The following GPC5 variants were observed in gnomAD, a reference collection of about 807,000 sequenced individuals.
GPC5 encodes glypican 5, also known as glypican-5.
A neutral mutation model predicts 53.9 loss-of-function variants in GPC5; 47 were observed. The observed-to-expected ratio is 0.87, with a 90% CI of 0.69 to 1.11. GPC5 has a LOEUF of 1.11. Ranked by LOEUF, GPC5 falls within the 50% of genes most tolerant of loss-of-function variation. GPC5 has a pLI of 0.00. For missense variants in GPC5, 748 were observed against 713.1 expected (o/e 1.05, Z -0.56); for synonymous variants, 286 against 263.3 (o/e 1.09, Z -0.84).
intron 7 of GPC5, among the ~76,000 whole-genome samples, chr13:92,301,331 G>C (rs2043073888): frequency 6.6e-6 from 1 of 152,158 alleles, no homozygotes; most frequent in Non-Finnish European, 1.5e-5. Context: ...AGAAAGAACT[G>C]TGCCAAGACA....
intron 6 of GPC5, among the ~76,000 whole-genome samples, chr13:92,010,976 T>G (rs2040656215): frequency 6.6e-6 from 1 of 152,212 alleles, no homozygotes; most frequent in African/African-American, 2.4e-5. Context: ...ATGTTATAGA[T>G]TTTCTGGAAG....
chr13:92,464,439 C>T (rs1571295), intron 7 of GPC5, among the ~76,000 whole-genome samples: 95,554 of 151,922 alleles, frequency 0.63, 31,170 homozygotes, highest in East Asian at 0.89. Flanking sequence ...TAATAAACTC[C>T]ATATTTTTTT....
intron 5 of GPC5, among the ~76,000 whole-genome samples, chr13:91,781,207 G>A (rs962766736): frequency 1.2e-4 from 19 of 152,156 alleles, no homozygotes; most frequent in East Asian, 1.9e-4. Flanking sequence ...ATCTGCCACC[G>A]CCTCATATAA....
At chr13:92,262,423 G>A (rs1296235912) in intron 7 of GPC5, among the ~76,000 whole-genome samples, 4 of 152,044 alleles carry the variant, frequency 2.6e-5, no homozygotes, top group African/African-American at 7.2e-5. Flanking sequence ...ATTAATGTTG[G>A]GTTAAGACCT....
chr13:92,234,619 C>T (rs1008066869), intron 7 of GPC5, among the ~76,000 whole-genome samples: 17 of 148,492 alleles, frequency 1.1e-4, no homozygotes, highest in East Asian at 2.0e-4. Context: ...AGATATATGG[C>T]GGTGGTGGGG....
At chr13:91,934,598 C>T (rs566642670) in intron 6 of GPC5, among the ~76,000 whole-genome samples, 1 of 152,052 alleles carries the variant, frequency 6.6e-6, no homozygotes, top group South Asian at 2.1e-4. Flanking sequence ...GAATAGATAG[C>T]AGCTGAAGAA....
intron 2 of GPC5, among the ~76,000 whole-genome samples, chr13:91,507,643 T>C (rs1431771893): frequency 6.6e-6 from 1 of 152,184 alleles, no homozygotes; most frequent in Non-Finnish European, 1.5e-5. Context: ...ATGAGATTTG[T>C]GTGGGGACAC....
intron 7 of GPC5, among the ~76,000 whole-genome samples, chr13:92,190,582 G>A (rs979454857): frequency 5.3e-5 from 8 of 152,248 alleles, no homozygotes; most frequent in African/African-American, 1.9e-4. Flanking sequence ...ATAGGAGGAA[G>A]GAATTAGGAA....
At chr13:92,641,474 A>G (rs1210370873) in intron 7 of GPC5, among the ~76,000 whole-genome samples, 1 of 152,232 alleles carries the variant, frequency 6.6e-6, no homozygotes, top group Non-Finnish European at 1.5e-5. Context: ...TAAATGCAGT[A>G]TATGATTCTA....
chr13:92,564,979 C>A (rs1164837350), intron 7 of GPC5, among the ~76,000 whole-genome samples: 3 of 151,988 alleles, frequency 2.0e-5, no homozygotes, highest in African/African-American at 7.2e-5. Context: ...GCATTAAACA[C>A]CCAGATGTAA....
rs1271732557 is a variant in GPC5, at chr13:91,621,759, CATTATATATATAT to C, written c.326-71425_326-71413del. On this transcript the variant is annotated intron_variant, in intron 2 of 7. Transcript: ENST00000377067. ...GTCAGGGTTCTCTAAAGGGACAGAACATTATATATATATATATATATATATATATATATGAAGG... is the reference window on the plus strand; with the variant it reads ...GTCAGGGTTCTCTAAAGGGACAGAACATATATATATATATATATATGAAGG... Among the ~76,000 whole-genome samples, 68 of 107,428 alleles carry C rather than the reference CATTATATATATAT, an allele frequency of 6.3e-4. 3 individuals are homozygous for C. In the South Asian group the frequency reaches 0.012, roughly 20 times the overall value. The allele number at this position is 107,428 out of a possible 152,430, so 70.5% of individuals were successfully genotyped here.
intron 7 of GPC5, among the ~76,000 whole-genome samples, chr13:92,846,489 T>C (rs967161646): frequency 2.0e-5 from 3 of 152,234 alleles, no homozygotes; most frequent in Non-Finnish European, 4.4e-5. Context: ...ATCCAATTGC[T>C]GTAGTGATTT....
At chr13:92,196,981 C>T (rs1448423102) in intron 7 of GPC5, among the ~76,000 whole-genome samples, 3 of 152,090 alleles carry the variant, frequency 2.0e-5, no homozygotes, top group Admixed American at 6.6e-5. Context: ...ATACCGAAAA[C>T]GGTACACTGG....
At chr13:92,481,226 G>T (rs1240617409) in intron 7 of GPC5, among the ~76,000 whole-genome samples, 1 of 151,684 alleles carries the variant, frequency 6.6e-6, no homozygotes, top group African/African-American at 2.4e-5. Context: ...TCAGCCTCCC[G>T]AGTAGCTGGG....
intron 7 of GPC5, among the ~76,000 whole-genome samples, chr13:92,630,537 A>G (rs1885202451): frequency 1.3e-5 from 2 of 152,268 alleles, no homozygotes; most frequent in African/African-American, 4.8e-5. Flanking sequence ...AAAACTCTAT[A>G]AAAGATAATC....
At chr13:91,889,101 A>T (rs2039357745) in intron 5 of GPC5, among the ~76,000 whole-genome samples, 1 of 152,144 alleles carries the variant, frequency 6.6e-6, no homozygotes, top group African/African-American at 2.4e-5. Flanking sequence ...CACCTGATAC[A>T]TCTATTTGTT....
intron 7 of GPC5, among the ~76,000 whole-genome samples, chr13:92,728,164 C>T (rs1888696244): frequency 1.3e-5 from 2 of 151,384 alleles, no homozygotes; most frequent in African/African-American, 4.8e-5. Context: ...CATTATTTGC[C>T]ATAGGCATTT....
intron 6 of GPC5, among the ~76,000 whole-genome samples, chr13:92,119,029 G>T (rs2041623270): frequency 6.6e-6 from 1 of 152,122 alleles, no homozygotes; most frequent in African/African-American, 2.4e-5. Flanking sequence ...TGCTAATAAA[G>T]ACATACTCAA....
intron 7 of GPC5, among the ~76,000 whole-genome samples, chr13:92,428,952 G>T (rs113267243): frequency 6.3e-4 from 96 of 152,154 alleles, no homozygotes; most frequent in African/African-American, 2.3e-3. Flanking sequence ...TGTGACGAAA[G>T]AATAAATCAG....
Sources: allele counts gnomAD v4.1 joint callset (sites outside exome capture counted in the v4.1 genomes callset), GRCh38; gene constraint gnomAD v4.1.1; transcripts MANE v1.5; gene names NCBI Gene and HGNC (gene_info 2026-07-23, HGNC 2026-07-21).